KLRD1: variants seen among roughly 807,000 people sequenced by gnomAD.
The protein encoded by KLRD1 is natural killer cells antigen CD94.
In KLRD1, 21 loss-of-function variants were observed where a neutral mutation model predicts 22.6. That is an observed-to-expected ratio of 0.93 (90% CI 0.66 to 1.34). KLRD1 has a LOEUF of 1.34. Ranked by LOEUF, KLRD1 falls within the 40% of genes most tolerant of loss-of-function variation. KLRD1 has a pLI of 0.00. For missense variants in KLRD1, 183 were observed against 208.6 expected (o/e 0.88, Z 0.76); for synonymous variants, 59 against 71.1 (o/e 0.83, Z 0.85).
At chr12:10,247,002 G>A (rs186330835) in intron 1 of KLRD1, among the ~76,000 whole-genome samples, 18 of 141,894 alleles carry the variant, frequency 1.3e-4, no homozygotes, top group Admixed American at 1.1e-3. Flanking sequence ...GCACGATCTC[G>A]GCTCACTGCA....
chr12:10,304,091 A>G (rs960513720), upstream of KLRD1, among the ~76,000 whole-genome samples: 3 of 152,210 alleles, frequency 2.0e-5, no homozygotes, highest in Admixed American at 6.5e-5. Flanking sequence ...TATCACAAGC[A>G]TCCTCAGAGA....
At chr12:10,306,178 A>C (rs187348430), upstream of KLRD1, among the ~76,000 whole-genome samples, 354 of 151,754 alleles carry the variant, frequency 2.3e-3, 1 homozygote, top group African/African-American at 8.1e-3. Context: ...ACAAACAAAC[A>C]AAAACAAACA....
chr12:10,314,764 C>A lies in KLRD1; in HGVS notation c.511C>A (p.Arg171Ser). 4 of 1,605,238 alleles carry A rather than the reference C, an allele frequency of 2.5e-6. No individual in the cohort carries two copies. Among genetic ancestry groups the A allele is most frequent in the Non-Finnish European group, 2.5e-6 (3 of 1,176,806 alleles). The change falls in exon 6 of 6, where the codon CGT becomes AGT. Residue 171 changes from arginine (R) to serine (S), a missense_variant. Coordinates refer to ENST00000336164, the MANE Select transcript of KLRD1 (RefSeq NM_002262.5). Reference protein sequence around the residue: ...ALDESCEDKNRYICKQQLI With the variant: ...ALDESCEDKNSYICKQQLI ...AGATGAATCCTGTGAAGATAAAAATCGTTATATCTGTAAGCAACAGCTCAT... is the reference window on the plus strand; with the variant it reads ...AGATGAATCCTGTGAAGATAAAAATAGTTATATCTGTAAGCAACAGCTCAT...
intron 1 of KLRD1, among the ~76,000 whole-genome samples, chr12:10,287,668 A>G (rs1318617639): frequency 1.3e-5 from 2 of 152,218 alleles, no homozygotes; most frequent in African/African-American, 2.4e-5. Flanking sequence ...AGGAAATAAA[A>G]TATGTAACTA....
At chr12:10,253,338 C>T (rs959854947) in intron 1 of KLRD1, among the ~76,000 whole-genome samples, 1 of 152,142 alleles carries the variant, frequency 6.6e-6, no homozygotes, top group African/African-American at 2.4e-5. Flanking sequence ...TTTAAATGCT[C>T]TTTAATGTGT....
intron 1 of KLRD1, among the ~76,000 whole-genome samples, chr12:10,272,306 CA>C (rs1207052031): frequency 6.6e-6 from 1 of 152,112 alleles, no homozygotes; most frequent in East Asian, 1.9e-4. Flanking sequence ...AAGTCAATAA[CA>C]TTACCCTAAA....
intron 1 of KLRD1, among the ~76,000 whole-genome samples, chr12:10,296,408 C>T (rs985694577): frequency 3.9e-5 from 6 of 151,900 alleles, no homozygotes; most frequent in African/African-American, 1.2e-4. Flanking sequence ...CCCAGCTACT[C>T]GGGAGGCTGA....
At chr12:10,274,048 C>G (rs890233688) in intron 1 of KLRD1, among the ~76,000 whole-genome samples, 1 of 152,052 alleles carries the variant, frequency 6.6e-6, no homozygotes, top group Non-Finnish European at 1.5e-5. Context: ...TTTGGGAGGC[C>G]AAGGTGAGTG....
intron 1 of KLRD1, among the ~76,000 whole-genome samples, chr12:10,254,041 T>G (rs1288880285): frequency 6.6e-6 from 1 of 151,866 alleles, no homozygotes; most frequent in Admixed American, 6.6e-5. Flanking sequence ...GGGCAAAGAT[T>G]TCGTGACAAA....
intron 1 of KLRD1, among the ~76,000 whole-genome samples, chr12:10,250,958 T>A (rs532835310): frequency 2.0e-5 from 3 of 152,248 alleles, no homozygotes; most frequent in African/African-American, 4.8e-5. Context: ...TTCGTTCATT[T>A]ACCATCATTA....
At chr12:10,260,251 T>C (rs1592034905) in intron 1 of KLRD1, among the ~76,000 whole-genome samples, 1 of 152,306 alleles carries the variant, frequency 6.6e-6, no homozygotes, top group East Asian at 1.9e-4. Flanking sequence ...GCCTTCATTT[T>C]CTTTTTCTTT....
At position 10,325,115 on chromosome 12, in the gene KLRD1, C is replaced by T. The variant is rs1336825743; in HGVS notation, c.*10322C>T. On this transcript the variant is annotated 3_prime_UTR_variant, in exon 6 of 6. Coordinates refer to ENST00000336164, the MANE Select transcript of KLRD1 (RefSeq NM_002262.5). ...AGAGCATGAATATTCACTTTTTTTA[C>T]CTTTATACTTAATTTTAGCTGTAGG... 1 of 151,564 alleles carries T rather than the reference C, an allele frequency of 6.6e-6. No homozygotes were observed. The highest frequency in any genetic ancestry group is 2.4e-5 in the African/African-American group (1 of 41,302). The allele number at this position is 151,564 out of a possible 1,614,324, so 9.4% of individuals were successfully genotyped here. A position where few individuals can be genotyped will look rare whatever the true frequency, so the allele number is the denominator to read the frequency against.
chr12:10,269,268 A>G (rs945630567), intron 1 of KLRD1, among the ~76,000 whole-genome samples: 1 of 152,028 alleles, frequency 6.6e-6, no homozygotes, highest in Non-Finnish European at 1.5e-5. Flanking sequence ...CTCCTGCCTC[A>G]GCCTCCCGAG....
At chr12:10,245,315 G>A (rs1167252799) in intron 1 of KLRD1, among the ~76,000 whole-genome samples, 11 of 152,034 alleles carry the variant, frequency 7.2e-5, no homozygotes, top group African/African-American at 4.8e-5. Flanking sequence ...CCAAGATTGC[G>A]CCACTGCACT....
upstream of KLRD1, among the ~76,000 whole-genome samples, chr12:10,299,980 G>A (rs576782867): frequency 6.6e-6 from 1 of 152,244 alleles, no homozygotes; most frequent in South Asian, 2.1e-4. Context: ...ATTCCGCCAC[G>A]ACTTCAGTCT....
chr12:10,320,491 A>G lies in KLRD1; in HGVS notation c.*5698A>G, dbSNP rs1393889244. 6.6e-6 allele frequency: 1 copy of G among 152,214 alleles called. No homozygotes were observed. Among genetic ancestry groups the G allele is most frequent in the Non-Finnish European group, 1.5e-5 (1 of 68,030 alleles). The allele number at this position is 152,214 out of a possible 1,614,324, so 9.4% of individuals were successfully genotyped here. A position where few individuals can be genotyped will look rare whatever the true frequency, so the allele number is the denominator to read the frequency against. On this transcript the variant is annotated 3_prime_UTR_variant, in exon 6 of 6. Transcript: ENST00000336164. ...AAAATGTACTTAATGATTTAAGAGA[A>G]TGCTCTAAACTTATTTCCAACTAGA...
intron 1 of KLRD1, among the ~76,000 whole-genome samples, chr12:10,265,358 T>C (rs1279691620): frequency 6.6e-6 from 1 of 152,234 alleles, no homozygotes; most frequent in Non-Finnish European, 1.5e-5. Flanking sequence ...CTCACAGCTT[T>C]ATTTCTAGAA....
At chr12:10,270,240 A>G (rs1949537714) in intron 1 of KLRD1, among the ~76,000 whole-genome samples, 1 of 152,242 alleles carries the variant, frequency 6.6e-6, no homozygotes, top group Non-Finnish European at 1.5e-5. Flanking sequence ...ACTTGTATAT[A>G]ATTAAAATAA....
At chr12:10,310,717 G>A (rs1182934301) in intron 3 of KLRD1, among the ~76,000 whole-genome samples, 3 of 152,128 alleles carry the variant, frequency 2.0e-5, no homozygotes, top group Admixed American at 6.5e-5. Flanking sequence ...CCTGGGAGGC[G>A]GAGGTTGAAG....
Sources: allele counts gnomAD v4.1 joint callset (sites outside exome capture counted in the v4.1 genomes callset), GRCh38; gene constraint gnomAD v4.1.1; transcripts MANE v1.5; gene names NCBI Gene and HGNC (gene_info 2026-07-23, HGNC 2026-07-21).